Variants in LRRTM4 observed in about 807,000 individuals in gnomAD.
The protein encoded by LRRTM4 is leucine-rich repeat transmembrane neuronal protein 4.
Under a neutral mutation model 47.6 loss-of-function variants are expected in LRRTM4, and 25 were observed. That is an observed-to-expected ratio of 0.53 (90% CI 0.38 to 0.73). The LOEUF (loss-of-function observed/expected upper bound fraction) is 0.73, where lower values mean the gene tolerates loss of function less well. LRRTM4 is among the 30% of genes least tolerant of loss of function. LRRTM4 has a pLI of 0.00. For missense variants in LRRTM4, 638 were observed against 713.4 expected, an observed-to-expected ratio of 0.89 and a Z score of 1.20; for synonymous variants, 311 against 269.5, an observed-to-expected ratio of 1.15 and a Z score of -1.51.
intron 3 of LRRTM4, among the ~76,000 whole-genome samples, chr2:77,451,993 T>C (rs1451366083): frequency 1.3e-5 from 2 of 152,090 alleles, no homozygotes; most frequent in African/African-American, 4.8e-5. Flanking sequence ...ACAGGAAGAA[T>C]AGTAATGAGG....
chr2:76,831,523 A>G (rs1435034799), intron 3 of LRRTM4, among the ~76,000 whole-genome samples: 2 of 152,128 alleles, frequency 1.3e-5, no homozygotes, highest in African/African-American at 4.8e-5. Context: ...GTTTAATTCT[A>G]TAGCACATAT....
intron 3 of LRRTM4, among the ~76,000 whole-genome samples, chr2:77,405,278 A>AGC (rs1674137562): frequency 6.6e-6 from 1 of 152,060 alleles, no homozygotes; most frequent in African/African-American, 2.4e-5. Context: ...AATTACACAA[A>AGC]GCCCAGCAGT....
chr2:77,502,050 G>T (rs1464295908), intron 3 of LRRTM4, among the ~76,000 whole-genome samples: 1 of 151,280 alleles, frequency 6.6e-6, no homozygotes, highest in Non-Finnish European at 1.5e-5. Context: ...TCCTAAATTT[G>T]CTTATCCTGA....
rs1553435844 is a variant in LRRTM4, at chr2:77,373,088, A to AAAT, written c.1551+145229_1551+145230insATT. On this transcript the variant is annotated intron_variant, in intron 3 of 3. Transcript: ENST00000409884. ...AAAGCAAACCAACAATTAAAAAAAA[A>AAAT]ATATATATATATATATATATACGCA... Among the ~76,000 whole-genome samples the AAAT allele has an allele frequency of 1.8e-3, 250 of 140,350 alleles. 1 individual carries two copies. In the Middle Eastern group the frequency reaches 0.018, roughly 10 times the overall value. The allele number at this position is 140,350 out of a possible 152,430, so 92.1% of individuals were successfully genotyped here.
intron 3 of LRRTM4, among the ~76,000 whole-genome samples, chr2:77,116,112 C>T (rs1201201191): frequency 2.6e-5 from 4 of 152,038 alleles, no homozygotes; most frequent in Non-Finnish European, 5.9e-5. Context: ...ATTTAAGAGT[C>T]TTGCCTTGCT....
At chr2:77,241,383 C>A (rs773771269) in intron 3 of LRRTM4, among the ~76,000 whole-genome samples, 11 of 152,054 alleles carry the variant, frequency 7.2e-5, no homozygotes, top group Non-Finnish European at 1.3e-4. Flanking sequence ...TATCTCAATG[C>A]ATACCTTGCA....
intron 3 of LRRTM4, among the ~76,000 whole-genome samples, chr2:77,329,332 C>T (rs569499358): frequency 6.6e-6 from 1 of 152,248 alleles, no homozygotes; most frequent in African/African-American, 2.4e-5. Context: ...GTGTGCTGGG[C>T]TAGGAATCCT....
chr2:77,241,059 C>A (rs540928435), intron 3 of LRRTM4, among the ~76,000 whole-genome samples: 3 of 151,798 alleles, frequency 2.0e-5, no homozygotes, highest in Admixed American at 1.3e-4. Flanking sequence ...GAAGATGATT[C>A]TAAATTTGTA....
chr2:76,894,344 T>G (rs139854122), intron 3 of LRRTM4, among the ~76,000 whole-genome samples: 67 of 152,200 alleles, frequency 4.4e-4, no homozygotes, highest in African/African-American at 1.6e-3. Context: ...GGACCAGAGA[T>G]GCCAGCATGC....
chr2:77,323,926 T>A (rs140470163), intron 3 of LRRTM4, among the ~76,000 whole-genome samples: 48 of 152,222 alleles, frequency 3.2e-4, no homozygotes, highest in African/African-American at 1.1e-3. Context: ...CTAACATGTA[T>A]AAAAATTACC....
intron 3 of LRRTM4, among the ~76,000 whole-genome samples, chr2:77,004,230 C>A (rs566619869): frequency 2.6e-5 from 4 of 152,110 alleles, no homozygotes; most frequent in Admixed American, 6.6e-5. Context: ...AGGTGACAGT[C>A]CCCAACCCCC....
At chr2:76,915,122 T>C (rs2103791297) in intron 3 of LRRTM4, among the ~76,000 whole-genome samples, 1 of 152,344 alleles carries the variant, frequency 6.6e-6, no homozygotes, top group Admixed American at 6.5e-5. Context: ...ACTTGCTATA[T>C]GCAAGAAAAT....
At chr2:77,009,886 A>G (rs1046123445) in intron 3 of LRRTM4, 4 of 151,900 alleles carry the variant, frequency 2.6e-5, no homozygotes, top group Admixed American at 6.6e-5. Context: ...CTATCATATT[A>G]TATTACTCAC....
At chr2:77,516,368 T>C (rs1203884221) in intron 3 of LRRTM4, among the ~76,000 whole-genome samples, 1 of 151,848 alleles carries the variant, frequency 6.6e-6, no homozygotes, top group African/African-American at 2.4e-5. Context: ...GAATAATCTG[T>C]GAAATTTAAG....
At chr2:76,869,138 G>A (rs1269802735) in intron 3 of LRRTM4, among the ~76,000 whole-genome samples, 16 of 151,866 alleles carry the variant, frequency 1.1e-4, no homozygotes, top group African/African-American at 2.7e-4. Context: ...GTGAAACCCC[G>A]TCTCTACTAA....
At chr2:76,878,773 C>A (rs1413658731) in intron 3 of LRRTM4, among the ~76,000 whole-genome samples, 1 of 152,016 alleles carries the variant, frequency 6.6e-6, no homozygotes, top group Non-Finnish European at 1.5e-5. Context: ...ACTTGGGAGG[C>A]TGAGGCAGGA....
rs533313837 is a variant in LRRTM4, at chr2:77,196,563, G to A, written c.1551+321755C>T. Among the ~76,000 whole-genome samples, 85 of 152,224 alleles carry A rather than the reference G, an allele frequency of 5.6e-4. 1 individual carries two copies. The South Asian group carries it at 0.017, about 30-fold the overall frequency. On this transcript the variant is annotated intron_variant, in intron 3 of 3. Transcript: ENST00000409884. The stretch of plus-strand genomic sequence containing the variant: ...GTTCAAGATCCTCCTGGCCAATATG[G>A]CGAAACCTCACCTTTACTAAAAATA...
chr2:76,797,408 C>A (rs1018720302), intron 3 of LRRTM4, among the ~76,000 whole-genome samples: 1 of 151,944 alleles, frequency 6.6e-6, no homozygotes, highest in African/African-American at 2.4e-5. Flanking sequence ...TACAGACAAG[C>A]AAATGCTGAG....
intron 3 of LRRTM4, among the ~76,000 whole-genome samples, chr2:77,010,280 C>T (rs1677819945): frequency 6.6e-6 from 1 of 151,588 alleles, no homozygotes; most frequent in African/African-American, 2.4e-5. Context: ...TGATTAATAT[C>T]CTCCCATTCC....
Sources: allele counts gnomAD v4.1 joint callset (sites outside exome capture counted in the v4.1 genomes callset), GRCh38; gene constraint gnomAD v4.1.1; transcripts MANE v1.5; gene names NCBI Gene and HGNC (gene_info 2026-07-23, HGNC 2026-07-21).